The following SLC25A19 variants were observed in gnomAD, a reference collection of about 807,000 sequenced individuals.
SLC25A19 encodes the protein mitochondrial thiamine pyrophosphate carrier.
In SLC25A19, 18 loss-of-function variants were observed where a neutral mutation model predicts 27.9. The observed-to-expected ratio is 0.64, with a 90% CI of 0.45 to 0.96. The LOEUF is 0.96. Among genes scored for constraint, SLC25A19 ranks in the 40% least tolerant of loss-of-function variants. SLC25A19 has a pLI of 0.00. For missense variants in SLC25A19, 371 were observed against 418.3 expected, an observed-to-expected ratio of 0.89 and a Z score of 0.99; for synonymous variants, 169 against 167.1, an observed-to-expected ratio of 1.01 and a Z score of -0.09.
At chr17:75,282,989 A>T (rs2078079050) in intron 5 of SLC25A19, among the ~76,000 whole-genome samples, 1 of 150,586 alleles carries the variant, frequency 6.6e-6, no homozygotes, top group African/African-American at 2.4e-5. Context: ...ACTCTGTCTC[A>T]AAATAAATAA....
intron 4 of SLC25A19, 82 bp downstream of exon 4, chr17:75,286,222 A>G: frequency 6.4e-7 from 1 of 1,560,564 alleles, no homozygotes; most frequent in Non-Finnish European, 8.7e-7. Context: ...CCTGCGCGGC[A>G]TTCCTGCTTG....
intron 5 of SLC25A19, among the ~76,000 whole-genome samples, chr17:75,280,967 C>A (rs919165249): frequency 3.6e-5 from 5 of 140,672 alleles, no homozygotes; most frequent in Non-Finnish European, 7.7e-5. Context: ...AAAAAAAAAA[C>A]CAGGAGTTCA....
intron 7 of SLC25A19, 31 bp from the exon 8 acceptor site, chr17:75,273,670 T>C (rs931042296): frequency 6.3e-7 from 1 of 1,599,950 alleles, no homozygotes; most frequent in African/African-American, 1.3e-5. Context: ...AAAATATGGA[T>C]GCCCGCTCTG....
chr17:75,277,414 T>A lies in SLC25A19; in HGVS notation c.713A>T (p.Asp238Val). 6.2e-7 allele frequency: 1 copy of A among 1,613,968 alleles called. No individual in the cohort carries two copies. Among genetic ancestry groups the A allele is most frequent in the Non-Finnish European group, 8.5e-7 (1 of 1,179,956 alleles). The change falls in exon 7 of 8, where the codon GAC becomes GTC. Residue 238 changes from aspartate to valine, a missense_variant. Coordinates refer to ENST00000416858, the MANE Select transcript of SLC25A19 (RefSeq NM_001126121.2). ...VISKTLTYPL[D>V]LFKKRLQVGG... is the part of the protein sequence containing the mutation. ...AACCTGTAGCCGCTTCTTGAAGAGG[T>A]CCAGCGGATATGTCAGGGTCTTGCT...
intron 7 of SLC25A19, chr17:75,273,926 A>C: frequency 2.7e-6 from 1 of 375,006 alleles, no homozygotes; most frequent in Non-Finnish European, 5.1e-6. Context: ...ACGCCTGGCT[A>C]ATTTTTTGTA....
At chr17:75,274,708 G>GA (rs1472410914) in intron 7 of SLC25A19, among the ~76,000 whole-genome samples, 1 of 152,144 alleles carries the variant, frequency 6.6e-6, no homozygotes, top group Non-Finnish European at 1.5e-5. Flanking sequence ...TTGGGAGGCT[G>GA]AGAGGGGAGG....
Position 75,283,420 on chromosome 17 carries a change from C to A in SLC25A19, c.459+3G>T. ...TTCCCCGGTCTGGCTCCTGGCCACT[C>A]ACCTTGGGCTCACCCTGAGCTGCAA... is the stretch of plus-strand genomic sequence containing the variant. On this transcript the variant is annotated splice_donor_region_variant and intron_variant, in intron 5 of 7. Coordinates refer to ENST00000416858, the MANE Select transcript of SLC25A19 (RefSeq NM_001126121.2). 6.2e-7 allele frequency: 1 copy of A among 1,611,732 alleles called. No homozygotes were observed. The highest frequency in any genetic ancestry group is 1.1e-5 in the South Asian group (1 of 90,786).
chr17:75,284,193 A>C (rs2078125872), intron 4 of SLC25A19, among the ~76,000 whole-genome samples: 1 of 151,918 alleles, frequency 6.6e-6, no homozygotes, highest in Non-Finnish European at 1.5e-5. Context: ...TCATGAGGTC[A>C]GGAGTTGGAG....
Position 75,278,329 on chromosome 17 carries a change from T to C in SLC25A19, c.466A>G (p.Asn156Asp). The C allele has an allele frequency of 1.9e-6, 3 of 1,614,010 alleles. No individual in the cohort carries two copies. The highest frequency in any genetic ancestry group is 2.2e-5 in the East Asian group (1 of 44,876). Residue 156 changes from asparagine (N) to aspartate (D), a missense_variant, in exon 6 of 8, where the codon AAT (asparagine) becomes GAT (aspartate). Coordinates refer to ENST00000416858, the MANE Select transcript of SLC25A19 (RefSeq NM_001126121.2). The stretch of plus-strand genomic sequence containing the variant: ...GTCCCCACGGCGTGGCGCAGCGTAT[T>C]ATAGACCTGGACACACACACGCACT... ...FAAQGEPKVY[N>D]TLRHAVGTMY...
chr17:75,284,474 G>A (rs1411063045), intron 4 of SLC25A19, among the ~76,000 whole-genome samples: 2 of 152,100 alleles, frequency 1.3e-5, no homozygotes, highest in African/African-American at 2.4e-5. Flanking sequence ...AGTTTTCTGA[G>A]AACTGGGGAA....
intron 7 of SLC25A19, 138 bp from the exon 8 acceptor site, chr17:75,273,777 T>C (rs902636468): frequency 1.1e-6 from 1 of 903,106 alleles, no homozygotes; most frequent in South Asian, 1.5e-5. Context: ...TATTTTTTCG[T>C]TGAGGCAGAG....
Position 75,273,400 on chromosome 17 carries a change from T to A in SLC25A19, c.*51A>T, listed in dbSNP as rs1567831344. The stretch of plus-strand genomic sequence containing the variant: ...GCACCTCTCAGTGGAGACTGAATCT[T>A]CCTTCCTTCAGGAGGCTGCCTCCAG... On this transcript the variant is annotated 3_prime_UTR_variant, in exon 8 of 8. Transcript: ENST00000416858. The A allele has an allele frequency of 6.3e-7, 1 of 1,582,068 alleles. No homozygotes were observed. Among genetic ancestry groups the A allele is most frequent in the Non-Finnish European group, 8.6e-7 (1 of 1,162,700 alleles).
In SLC25A19 at chr17:75,282,867, TAACTAA is replaced by T. The variant is rs1255966193; in HGVS notation, c.459+550_459+555del. Among the ~76,000 whole-genome samples, 114 of 144,844 alleles carry T rather than the reference TAACTAA, an allele frequency of 7.9e-4. 2 individuals carry two copies. The highest frequency in any genetic ancestry group is 2.4e-3 in the African/African-American group (91 of 38,496). ...CTCTGTCTCAAAAAAAATAAATAAA[TAACTAA>T]AAATAAAAATAAAAATAAAAATCAT... On this transcript the variant is annotated intron_variant, in intron 5 of 7. Transcript: ENST00000416858.
At chr17:75,279,762 C>T (rs2077991322) in intron 5 of SLC25A19, among the ~76,000 whole-genome samples, 2 of 152,112 alleles carry the variant, frequency 1.3e-5, no homozygotes, top group South Asian at 4.2e-4. Flanking sequence ...CCGCCTTGGC[C>T]TCCCAAAGTG....
chr17:75,274,721 C>T (rs1014400508), intron 7 of SLC25A19, among the ~76,000 whole-genome samples: 1 of 151,936 alleles, frequency 6.6e-6, no homozygotes. Context: ...AGGGGAGGAT[C>T]GCTTGAGCCC....
chr17:75,283,275 T>A, intron 5 of SLC25A19, 148 bp downstream of exon 5: 1 of 861,882 alleles, frequency 1.2e-6, no homozygotes, highest in South Asian at 2.4e-5. Context: ...CACTCCAGCC[T>A]GCATGACAGA....
chr17:75,285,599 G>C (rs1180499976), intron 4 of SLC25A19, among the ~76,000 whole-genome samples: 1 of 152,206 alleles, frequency 6.6e-6, no homozygotes, highest in Non-Finnish European at 1.5e-5. Flanking sequence ...GCCTAGGTGG[G>C]GGTCGTGGCT....
At chr17:75,287,576 C>A (rs1456284496) in intron 2 of SLC25A19, 1 of 152,220 alleles carries the variant, frequency 6.6e-6, no homozygotes, top group East Asian at 1.9e-4. Flanking sequence ...AATGAACAGG[C>A]TTGATAGGCA....
rs2078178699 is a variant in SLC25A19, at chr17:75,286,284, C to T, written c.288+20G>A. The T allele has an allele frequency of 1.2e-6, 2 of 1,612,694 alleles. No homozygotes were observed. The highest frequency in any genetic ancestry group is 1.1e-5 in the South Asian group (1 of 91,082). ...GAGCAACGTGACCCCAGAGGTCTGGCCAGGTCCCTTGCCACCTACTTGGAC... is the reference window on the plus strand; with the variant it reads ...GAGCAACGTGACCCCAGAGGTCTGGTCAGGTCCCTTGCCACCTACTTGGAC... On this transcript the variant is annotated intron_variant, in intron 4 of 7. Coordinates refer to ENST00000416858, the MANE Select transcript of SLC25A19 (RefSeq NM_001126121.2).
Sources: gnomAD v4.1 joint callset for allele counts (sites outside exome capture counted in the v4.1 genomes callset) on GRCh38, gnomAD v4.1.1 for gene constraint, MANE v1.5 for transcripts, NCBI Gene and HGNC (gene_info 2026-07-23, HGNC 2026-07-21) for gene names.